LRRC49: variants seen among roughly 807,000 people sequenced by gnomAD.
LRRC49 encodes the protein leucine-rich repeat-containing protein 49.
LRRC49 carries 50 observed loss-of-function variants against 83.3 expected under a neutral mutation model. That is an observed-to-expected ratio of 0.60 (90% confidence interval 0.48 to 0.76). The LOEUF (loss-of-function observed/expected upper bound fraction) is 0.76. LRRC49 is among the 30% of genes least tolerant of loss of function. The pLI, the probability that LRRC49 is intolerant of heterozygous loss-of-function variation, is 0.00. For synonymous variants in LRRC49, 286 were observed against 283.3 expected, an observed-to-expected ratio of 1.01 and a Z score of -0.10; for missense variants, 704 against 809.1, an observed-to-expected ratio of 0.87 and a Z score of 1.58.
At chr15:70,901,174 G>C (rs1302462040) in intron 4 of LRRC49, 150 bp downstream of exon 4, 5 of 536,774 alleles carry the variant, frequency 9.3e-6, no homozygotes, top group Non-Finnish European at 1.6e-5. Flanking sequence ...CCAGTTTTTT[G>C]CTTCTCCTTC....
At chr15:71,039,363 G>A (rs1596173904) in intron 15 of LRRC49, among the ~76,000 whole-genome samples, 2 of 152,244 alleles carry the variant, frequency 1.3e-5, no homozygotes, top group South Asian at 4.1e-4. Context: ...GCAGGATTAT[G>A]TCTCCTCTTC....
At chr15:70,984,337 TA>T in intron 11 of LRRC49, 80 bp downstream of exon 11, 1 of 1,215,662 alleles carries the variant, frequency 8.2e-7, no homozygotes, top group Non-Finnish European at 1.1e-6. Flanking sequence ...ATTTTACATA[TA>T]ATTATTTTAA....
Position 71,049,762 on chromosome 15 carries a change from A to G in LRRC49, c.*150A>G, listed in dbSNP as rs2039964892. 1.2e-5 allele frequency: 7 copies of G among 578,094 alleles called. No homozygotes were observed. In the South Asian group the frequency reaches 1.7e-4, roughly 14 times the overall value. The allele number at this position is 578,094 out of a possible 1,614,324, so 35.8% of individuals were successfully genotyped here. On this transcript the variant is annotated 3_prime_UTR_variant, in exon 16 of 16. Coordinates refer to ENST00000260382, the MANE Select transcript of LRRC49 (RefSeq NM_017691.5). ...TTATTGCCCACTGTTCTCATAGCTA[A>G]AAGTTAAGAAGGAAGGAAGGAAAGC...
chr15:70,933,101 G>T (rs1157511468), intron 7 of LRRC49, among the ~76,000 whole-genome samples: 1 of 152,010 alleles, frequency 6.6e-6, no homozygotes, highest in Non-Finnish European at 1.5e-5. Context: ...ATTTTTCTCA[G>T]AAAACAAATC....
intron 14 of LRRC49, among the ~76,000 whole-genome samples, chr15:71,019,672 T>TA (rs922455604): frequency 1.6e-4 from 25 of 152,178 alleles, no homozygotes; most frequent in African/African-American, 6.0e-4. Context: ...GTTGCCTTGA[T>TA]ATGAGCAGAA....
chr15:71,014,410 A>G (rs1046462565), intron 14 of LRRC49, among the ~76,000 whole-genome samples: 4 of 152,162 alleles, frequency 2.6e-5, no homozygotes, highest in Non-Finnish European at 5.9e-5. Flanking sequence ...GATTAGATGG[A>G]TAATTTCTAA....
chr15:70,913,739 TAGC>T (rs138052104), intron 6 of LRRC49, among the ~76,000 whole-genome samples: 4,811 of 152,318 alleles, frequency 0.032, 110 homozygotes, highest in Middle Eastern at 0.071. Context: ...CATTTTATGA[TAGC>T]AGTATTTTTC....
intron 1 of LRRC49, among the ~76,000 whole-genome samples, chr15:70,860,317 C>T (rs2032759077): frequency 6.6e-6 from 1 of 152,210 alleles, no homozygotes; most frequent in Admixed American, 6.5e-5. Context: ...TGCCTGGGGA[C>T]ACCCCTTACC....
At chr15:70,890,644 C>T (rs575288026), upstream of LRRC49, among the ~76,000 whole-genome samples, 2 of 152,010 alleles carry the variant, frequency 1.3e-5, no homozygotes, top group South Asian at 2.1e-4. Flanking sequence ...ATGGAGTACA[C>T]GAAGAATGAG....
chr15:70,970,423 A>C (rs1241065794), intron 9 of LRRC49, among the ~76,000 whole-genome samples: 1 of 152,186 alleles, frequency 6.6e-6, no homozygotes, highest in Admixed American at 6.5e-5. Context: ...CATCAGGGAT[A>C]CTGGCCTGAA....
At chr15:70,961,386 T>C (rs2036596647) in intron 8 of LRRC49, among the ~76,000 whole-genome samples, 1 of 152,198 alleles carries the variant, frequency 6.6e-6, no homozygotes, top group Non-Finnish European at 1.5e-5. Context: ...TATACAGCAG[T>C]TATACTCTTA....
At chr15:71,049,376 A>G in intron 15 of LRRC49, 33 bp from the exon 16 acceptor site, 1 of 1,408,118 alleles carries the variant, frequency 7.1e-7, no homozygotes, top group Non-Finnish European at 9.8e-7. Flanking sequence ...ATTAGTTATG[A>G]TTTAATACAA....
At chr15:71,031,361 T>C (rs892585612) in intron 14 of LRRC49, among the ~76,000 whole-genome samples, 3 of 152,222 alleles carry the variant, frequency 2.0e-5, no homozygotes, top group African/African-American at 7.2e-5. Flanking sequence ...TGCTCCTTCC[T>C]CTGGAAGCTT....
chr15:70,949,274 A>G (rs1044003293), intron 8 of LRRC49, among the ~76,000 whole-genome samples: 3 of 152,176 alleles, frequency 2.0e-5, no homozygotes, highest in African/African-American at 7.2e-5. Context: ...TTGGTCAACG[A>G]TGGACCACAT....
chr15:71,038,240 A>G (rs896217015), intron 15 of LRRC49, among the ~76,000 whole-genome samples: 4 of 152,320 alleles, frequency 2.6e-5, no homozygotes, highest in African/African-American at 7.2e-5. Flanking sequence ...CTAGATATAT[A>G]GATATAACAT....
At chr15:70,890,438 A>G (rs770353510), upstream of LRRC49, among the ~76,000 whole-genome samples, 1 of 152,224 alleles carries the variant, frequency 6.6e-6, no homozygotes, top group Non-Finnish European at 1.5e-5. Context: ...TAATCATTCC[A>G]TAAATATTTA....
At chr15:70,920,407 C>A (rs537057416) in intron 7 of LRRC49, among the ~76,000 whole-genome samples, 22 of 152,248 alleles carry the variant, frequency 1.4e-4, no homozygotes, top group African/African-American at 5.1e-4. Context: ...CAAGCCCTTC[C>A]CAGATTAGAT....
At chr15:70,968,096 G>A (rs1596077897) in intron 9 of LRRC49, among the ~76,000 whole-genome samples, 1 of 151,884 alleles carries the variant, frequency 6.6e-6, no homozygotes, top group Non-Finnish European at 1.5e-5. Flanking sequence ...CTATCAACCC[G>A]TAATCTGCAT....
chr15:70,898,331 C>G, intron 3 of LRRC49: 1 of 668,868 alleles, frequency 1.5e-6, no homozygotes, highest in Non-Finnish European at 2.7e-6. Context: ...ACTGGAAAAA[C>G]AATTAATTTG....
Sources: gnomAD v4.1 joint callset for allele counts (sites outside exome capture counted in the v4.1 genomes callset) on GRCh38, gnomAD v4.1.1 for gene constraint, MANE v1.5 for transcripts, NCBI Gene and HGNC (gene_info 2026-07-23, HGNC 2026-07-21) for gene names.